Variants in TEK observed in about 807,000 individuals in gnomAD.
TEK encodes the protein TEK receptor tyrosine kinase.
In TEK, 43 loss-of-function variants were observed where a neutral mutation model predicts 131.8. That is an observed-to-expected ratio of 0.33 (90% CI 0.26 to 0.42). The LOEUF (loss-of-function observed/expected upper bound fraction) is 0.42, where lower values mean the gene tolerates loss of function less well. Ranked by LOEUF, TEK falls within the 10% of genes least tolerant of loss-of-function variation. The pLI is 1.00. For synonymous variants in TEK, 580 were observed against 491.6 expected, an observed-to-expected ratio of 1.18 and a Z score of -2.38; for missense variants, 1,162 against 1,384.4, an observed-to-expected ratio of 0.84 and a Z score of 2.55.
intron 2 of TEK, among the ~76,000 whole-genome samples, chr9:27,159,334 G>A (rs1051172365): frequency 2.6e-5 from 4 of 152,148 alleles, no homozygotes; most frequent in Non-Finnish European, 5.9e-5. Flanking sequence ...GCTCAGAATT[G>A]TACACTATCA....
intron 12 of TEK, among the ~76,000 whole-genome samples, chr9:27,202,239 G>A (rs1215685100): frequency 6.6e-6 from 1 of 152,198 alleles, no homozygotes; most frequent in East Asian, 1.9e-4. Flanking sequence ...AAAGTTATTA[G>A]CACATTTTCT....
chr9:27,205,950 C>T (rs1011983816), intron 14 of TEK, among the ~76,000 whole-genome samples: 1 of 139,622 alleles, frequency 7.2e-6, no homozygotes, highest in Non-Finnish European at 1.6e-5. Flanking sequence ...AGAAGAAGGG[C>T]CAGCAAGGGG....
chr9:27,132,169 C>T (rs1822252910), intron 1 of TEK, among the ~76,000 whole-genome samples: 1 of 150,886 alleles, frequency 6.6e-6, no homozygotes, highest in South Asian at 2.1e-4. Context: ...CTCACTGCAA[C>T]CTCCATCTCC....
chr9:27,146,891 G>T (rs1264099882), intron 1 of TEK, among the ~76,000 whole-genome samples: 1 of 151,686 alleles, frequency 6.6e-6, no homozygotes, highest in Admixed American at 6.6e-5. Flanking sequence ...CACCACGCCC[G>T]GCTAATTTTT....
At position 27,146,343 on chromosome 9, in the gene TEK, A is replaced by G. The variant is rs575358983; in HGVS notation, c.53-11488A>G. 9.5e-4 allele frequency among the ~76,000 whole-genome samples: 145 copies of G among 152,282 alleles called. 1 individual carries two copies. The highest frequency in any genetic ancestry group is 3.4e-3 in the African/African-American group (140 of 41,558). Reference sequence around the variant, plus strand: ...CAACTCTATGAGTTTTAACACATACACTCATGTATCTGCCACTAAGAACAG... The same window carrying G: ...CAACTCTATGAGTTTTAACACATACGCTCATGTATCTGCCACTAAGAACAG... On this transcript the variant is annotated intron_variant, in intron 1 of 22. Transcript: ENST00000380036.
intron 2 of TEK, among the ~76,000 whole-genome samples, chr9:27,167,234 TA>T (rs201448670): frequency 0.015 from 2,216 of 152,226 alleles, 78 homozygotes; most frequent in Admixed American, 0.073. Context: ...TATTTTATTT[TA>T]TTTTATTTTT....
chr9:27,161,547 C>T (rs1255039794), intron 2 of TEK, among the ~76,000 whole-genome samples: 3 of 152,214 alleles, frequency 2.0e-5, no homozygotes, highest in Non-Finnish European at 2.9e-5. Flanking sequence ...GCCGAGTGAT[C>T]TGACTTCAGA....
At chr9:27,183,753 G>A (rs1824488223) in intron 8 of TEK, 143 bp downstream of exon 8, 1 of 1,149,738 alleles carries the variant, frequency 8.7e-7, no homozygotes. Context: ...CCCTATTCCT[G>A]GAGAGGCAGA....
In TEK at chr9:27,205,021, A is replaced by T; in HGVS notation, c.2320A>T (p.Arg774Trp). The stretch of plus-strand genomic sequence containing the variant: ...CTTTCTGATCATATTGCAATTGAAG[A>T]GGGCAAATGTGCAAAGGAGAATGGC... ...LAFLIILQLK[R>W]ANVQRRMAQA... is the part of the protein sequence containing the mutation. The change falls in exon 14 of 23, where the codon AGG (arginine) becomes TGG (tryptophan). Residue 774 changes from arginine to tryptophan, a missense_variant. By Grantham distance (101) the Arg-to-Trp change is moderately radical. Transcript: ENST00000380036. The T allele has an allele frequency of 6.2e-7, 1 of 1,614,066 alleles. No homozygotes were observed. Among genetic ancestry groups the T allele is most frequent in the Non-Finnish European group, 8.5e-7 (1 of 1,179,944 alleles).
intron 1 of TEK, among the ~76,000 whole-genome samples, chr9:27,123,204 G>A (rs602669): frequency 0.17 from 26,191 of 151,724 alleles, 2,848 homozygotes; most frequent in East Asian, 0.53. Context: ...GAGATGGGGC[G>A]GGTAAGCATA....
In TEK at chr9:27,123,879, C is replaced by T. The variant is rs188964082; in HGVS notation, c.52+14237C>T. Among the ~76,000 whole-genome samples the T allele has an allele frequency of 2.0e-3, 303 of 152,344 alleles. 1 individual carries two copies. The highest frequency in any genetic ancestry group is 0.01 in the Middle Eastern group (3 of 294). On this transcript the variant is annotated intron_variant, in intron 1 of 22. Transcript: ENST00000380036. ...GCAACCTCCGCCTCTCAGGTTCAAG[C>T]TATTCTCCTGCCTCACCCTCCTGAG... is the stretch of plus-strand genomic sequence containing the variant.
rs1245994912 is a variant in TEK at position 27,154,340 on chromosome 9, A to G, written c.53-3491A>G. ...GACCTCAGGTGATCCGCCTGCCTCA[A>G]TCTCCCAAAGTGCTGGAATTACAGG... On this transcript the variant is annotated intron_variant, in intron 1 of 22. Coordinates refer to ENST00000380036, the MANE Select transcript of TEK (RefSeq NM_000459.5). 3.3e-5 allele frequency among the ~76,000 whole-genome samples: 5 copies of G among 152,104 alleles called. No individual in the cohort carries two copies. In the East Asian group the frequency reaches 5.8e-4, roughly 18 times the overall value.
intron 9 of TEK, among the ~76,000 whole-genome samples, chr9:27,190,217 C>A (rs899946926): frequency 6.6e-6 from 1 of 152,022 alleles, no homozygotes; most frequent in Non-Finnish European, 1.5e-5. Flanking sequence ...GGAGAGTGGG[C>A]AGGGGCTTAA....
chr9:27,127,130 C>T (rs1463327786), intron 1 of TEK, among the ~76,000 whole-genome samples: 5 of 152,134 alleles, frequency 3.3e-5, no homozygotes, highest in African/African-American at 9.7e-5. Flanking sequence ...CTCCCTCAAC[C>T]CCCAATCCCC....
intron 21 of TEK, among the ~76,000 whole-genome samples, chr9:27,222,950 T>TA (rs540152198): frequency 0.016 from 2,358 of 151,186 alleles, 29 homozygotes; most frequent in Non-Finnish European, 0.021. Flanking sequence ...TAGAAAGCAA[T>TA]AAAAAAAAGC....
chr9:27,213,623 C>A lies in TEK; in HGVS notation c.2991+26C>A, dbSNP rs537198836. 1.9e-6 allele frequency: 3 copies of A among 1,552,052 alleles called. No individual in the cohort carries two copies. The East Asian group carries it at 6.7e-5, about 35-fold the overall frequency. On this transcript the variant is annotated intron_variant, in intron 18 of 22. Transcript: ENST00000380036. ...GTAAGTGCCAGACACAGACACTGATCGCATCCTTTCCGAGGTACTCCCCTG... is the reference window on the plus strand; with the variant it reads ...GTAAGTGCCAGACACAGACACTGATAGCATCCTTTCCGAGGTACTCCCCTG...
At chr9:27,178,299 A>G (rs1000763649) in intron 6 of TEK, among the ~76,000 whole-genome samples, 7 of 151,968 alleles carry the variant, frequency 4.6e-5, no homozygotes, top group South Asian at 2.1e-4. Flanking sequence ...TGGGCTGTCA[A>G]TTCTGTTCCG....
intron 1 of TEK, among the ~76,000 whole-genome samples, chr9:27,144,626 G>A (rs567240194): frequency 2.8e-4 from 43 of 152,198 alleles, no homozygotes; most frequent in African/African-American, 7.5e-4. Flanking sequence ...TGAGGCGAGG[G>A]AATGTGATCA....
At chr9:27,177,407 G>T (rs1346784465) in intron 6 of TEK, among the ~76,000 whole-genome samples, 1 of 152,186 alleles carries the variant, frequency 6.6e-6, no homozygotes, top group Non-Finnish European at 1.5e-5. Context: ...CTGATGATCA[G>T]TGAGGTTGAG....
Sources: allele counts gnomAD v4.1 joint callset (sites outside exome capture counted in the v4.1 genomes callset), GRCh38; gene constraint gnomAD v4.1.1; transcripts MANE v1.5; gene names NCBI Gene and HGNC (gene_info 2026-07-23, HGNC 2026-07-21).